Variants in ZNG1A observed in about 807,000 individuals in gnomAD.
ZNG1A encodes Zn regulated GTPase metalloprotein activator 1A.
the ZNG1A span, among the ~76,000 whole-genome samples, chr9:176,001 CCTA>C: frequency 6.7e-6 from 1 of 150,050 alleles, no homozygotes; most frequent in Non-Finnish European, 1.5e-5. Flanking sequence ...TACAAACACT[CCTA>C]CAAGTTGAAA....
At chr9:132,352 T>TA in the ZNG1A span, among the ~76,000 whole-genome samples, 47,823 of 90,478 alleles carry the variant, frequency 0.53, 12,864 homozygotes, top group East Asian at 0.6. Flanking sequence ...CCATCTCTAC[T>TA]AAAAAAAAAA....
chr9:141,830 T>A, the ZNG1A span, among the ~76,000 whole-genome samples: 1 of 152,020 alleles, frequency 6.6e-6, no homozygotes, highest in Non-Finnish European at 1.5e-5. Flanking sequence ...AGGCTCAAAA[T>A]AAAGGGATGG....
the ZNG1A span, among the ~76,000 whole-genome samples, chr9:154,983 T>C: frequency 6.6e-6 from 1 of 152,214 alleles, no homozygotes; most frequent in African/African-American, 2.4e-5. Flanking sequence ...CCGCTAATTT[T>C]TCAATGTGGA....
At chr9:125,895 T>C in the ZNG1A span, among the ~76,000 whole-genome samples, 2,491 of 43,028 alleles carry the variant, frequency 0.058, 372 homozygotes, top group Middle Eastern at 0.12. Flanking sequence ...GTTCCATTGG[T>C]CCATGTGACT....
At chr9:154,568 A>C in the ZNG1A span, 1 of 641,414 alleles carries the variant, frequency 1.6e-6, no homozygotes, top group Non-Finnish European at 2.7e-6. Flanking sequence ...ATTAGCCATC[A>C]ACAATATATG....
chr9:127,254 C>A, the ZNG1A span, among the ~76,000 whole-genome samples: 2 of 152,042 alleles, frequency 1.3e-5, no homozygotes, highest in Admixed American at 6.6e-5. Context: ...GTCTTGATGA[C>A]CTGTCCAGTG....
At chr9:161,659 G>C in the ZNG1A span, 45 of 1,264,892 alleles carry the variant, frequency 3.6e-5, 1 homozygote, top group Admixed American at 1.0e-3. Context: ...TTTCACTTGG[G>C]AAGTTGAGAA....
chr9:135,730 T>G, the ZNG1A span, among the ~76,000 whole-genome samples: 1 of 116,808 alleles, frequency 8.6e-6, no homozygotes, highest in Non-Finnish European at 1.6e-5. Flanking sequence ...TTGAAAACAG[T>G]GAGGGGTAAA....
At chr9:150,752 A>T in the ZNG1A span, 2 of 975,924 alleles carry the variant, frequency 2.0e-6, no homozygotes, top group Non-Finnish European at 2.4e-6. Context: ...GTTAGAAATA[A>T]AAGTTAGAAA....
At chr9:162,889 T>C in the ZNG1A span, among the ~76,000 whole-genome samples, 6 of 151,716 alleles carry the variant, frequency 4.0e-5, no homozygotes, top group African/African-American at 1.2e-4. Flanking sequence ...ATTTAAATTA[T>C]TGCCTAAAGA....
the ZNG1A span, among the ~76,000 whole-genome samples, chr9:139,460 T>G: frequency 3.3e-5 from 5 of 150,594 alleles, no homozygotes; most frequent in Non-Finnish European, 7.4e-5. Flanking sequence ...ATGCCTATAG[T>G]TAGCAATACT....
chr9:140,165 C>G, the ZNG1A span, among the ~76,000 whole-genome samples: 8 of 151,504 alleles, frequency 5.3e-5, no homozygotes, highest in East Asian at 1.5e-3. Flanking sequence ...CCCACCACAG[C>G]TCAAGGAAGC....
chr9:178,636 C>A, the ZNG1A span, among the ~76,000 whole-genome samples: 4 of 108,728 alleles, frequency 3.7e-5, 2 homozygotes, highest in South Asian at 1.2e-3. Flanking sequence ...GGGGGCCGGG[C>A]ATCATTAACT....
the ZNG1A span, chr9:154,833 A>G: frequency 1.4e-5 from 20 of 1,416,800 alleles, no homozygotes; most frequent in Admixed American, 7.7e-5. Context: ...GAAACTTTAA[A>G]TAATATACAC....
chr9:143,001 T>C, the ZNG1A span, among the ~76,000 whole-genome samples: 7 of 143,476 alleles, frequency 4.9e-5, no homozygotes, highest in Non-Finnish European at 7.5e-5. Flanking sequence ...CAGGAAGAAG[T>C]TGAATCTCTG....
At chr9:167,413 G>C in the ZNG1A span, 2 of 150,602 alleles carry the variant, frequency 1.3e-5, no homozygotes, top group East Asian at 1.9e-4. Flanking sequence ...GGGGAATAAA[G>C]TGTGACTGAT....
the ZNG1A span, among the ~76,000 whole-genome samples, chr9:145,144 C>A: frequency 6.7e-6 from 1 of 149,914 alleles, no homozygotes; most frequent in Non-Finnish European, 1.5e-5. Flanking sequence ...TGTGGCGATT[C>A]CTCAGGGATC....
the ZNG1A span, among the ~76,000 whole-genome samples, chr9:138,147 G>A: frequency 6.6e-6 from 1 of 152,030 alleles, no homozygotes; most frequent in South Asian, 2.1e-4. Context: ...ATTTTTTCCA[G>A]GTACTCCAAA....
the ZNG1A span, among the ~76,000 whole-genome samples, chr9:158,767 T>C: frequency 3.3e-5 from 5 of 151,682 alleles, no homozygotes; most frequent in African/African-American, 4.8e-5. Context: ...ATTAAAATTA[T>C]ATGTAATCAT....
Sources: gnomAD v4.1 joint callset for allele counts (sites outside exome capture counted in the v4.1 genomes callset) on GRCh38, gnomAD v4.1.1 for gene constraint, MANE v1.5 for transcripts, NCBI Gene and HGNC (gene_info 2026-07-23, HGNC 2026-07-21) for gene names.